Variants in DOCK1 observed in about 807,000 individuals in gnomAD.
DOCK1 encodes dedicator of cytokinesis 1.
Under a neutral mutation model 262.7 loss-of-function variants are expected in DOCK1, and 138 were observed. The observed-to-expected ratio is 0.53, with a 90% CI of 0.46 to 0.61. DOCK1 has a LOEUF of 0.61. DOCK1 is among the 20% of genes least tolerant of loss of function. DOCK1 has a pLI of 0.00. For missense variants in DOCK1, 1,908 were observed against 2,370.7 expected (o/e 0.80, Z 4.05); for synonymous variants, 866 against 867.4 (o/e 1.00, Z 0.03).
At chr10:127,198,986 A>AT (rs796827474) in intron 27 of DOCK1, among the ~76,000 whole-genome samples, 91 of 148,596 alleles carry the variant, frequency 6.1e-4, no homozygotes, top group African/African-American at 1.9e-3. Flanking sequence ...TCCCTCTTGC[A>AT]TTTTTTTTTA....
At chr10:127,164,828 T>A (rs926777857) in intron 27 of DOCK1, among the ~76,000 whole-genome samples, 1 of 152,224 alleles carries the variant, frequency 6.6e-6, no homozygotes, top group Non-Finnish European at 1.5e-5. Context: ...CTTCCTTCAT[T>A]CATGCAGTCA....
chr10:127,042,580 G>A (rs1440563622), intron 19 of DOCK1, 45 bp from the exon 20 acceptor site: 2 of 1,547,004 alleles, frequency 1.3e-6, no homozygotes, highest in Non-Finnish European at 1.8e-6. Context: ...TGTGGGGGAA[G>A]TCCGGTGGGT....
chr10:127,248,440 A>G (rs973545486), intron 28 of DOCK1, among the ~76,000 whole-genome samples: 5 of 152,202 alleles, frequency 3.3e-5, no homozygotes, highest in African/African-American at 1.2e-4. Flanking sequence ...GTCTCCCATT[A>G]ACTCCTATTC....
intron 27 of DOCK1, among the ~76,000 whole-genome samples, chr10:127,151,585 C>T (rs961597504): frequency 2.6e-5 from 4 of 152,156 alleles, no homozygotes; most frequent in Non-Finnish European, 5.9e-5. Flanking sequence ...TGCAGGCTAC[C>T]GAGGGCCACA....
rs376852487 is a variant in DOCK1, at chr10:127,032,123, G to T, written c.1729-14G>T. On this transcript the variant is annotated splice_polypyrimidine_tract_variant and intron_variant, in intron 17 of 51. Transcript: ENST00000623213. The stretch of plus-strand genomic sequence containing the variant: ...GTGAATTGCCTTTGACATACGGCAT[G>T]ACTAAATCCACAGGCCGAAGCAAAG... The T allele has an allele frequency of 1.3e-5, 20 of 1,577,858 alleles. No individual in the cohort carries two copies. Among genetic ancestry groups the T allele is most frequent in the Non-Finnish European group, 8.6e-7 (1 of 1,161,736 alleles).
At chr10:127,124,561 GCT>G (rs2049824988) in intron 25 of DOCK1, among the ~76,000 whole-genome samples, 1 of 152,158 alleles carries the variant, frequency 6.6e-6, no homozygotes, top group South Asian at 2.1e-4. Context: ...TCCTTCCTCT[GCT>G]CTTATTGAAA....
At chr10:127,449,058 A>AGGCT (rs1463080616) in intron 51 of DOCK1, among the ~76,000 whole-genome samples, 1 of 152,182 alleles carries the variant, frequency 6.6e-6, no homozygotes, top group African/African-American at 2.4e-5. Context: ...CCATTTAAAC[A>AGGCT]GGCTCCCTCT....
chr10:127,430,852 G>A (rs1313836768), intron 47 of DOCK1, among the ~76,000 whole-genome samples: 1 of 152,168 alleles, frequency 6.6e-6, no homozygotes, highest in Non-Finnish European at 1.5e-5. Context: ...GGCTCAAGGT[G>A]GGACGTTACA....
chr10:127,241,284 A>G (rs1375869335), intron 27 of DOCK1, among the ~76,000 whole-genome samples: 1 of 152,198 alleles, frequency 6.6e-6, no homozygotes, highest in African/African-American at 2.4e-5. Context: ...GCACCACTGC[A>G]CTCCAGCCTG....
intron 29 of DOCK1, among the ~76,000 whole-genome samples, chr10:127,267,838 G>C (rs1294064666): frequency 6.6e-6 from 1 of 152,152 alleles, no homozygotes; most frequent in Non-Finnish European, 1.5e-5. Context: ...TGTGCTACTG[G>C]GACTTGGAAG....
intron 29 of DOCK1, among the ~76,000 whole-genome samples, chr10:127,296,781 G>A (rs1345405695): frequency 2.0e-5 from 3 of 152,160 alleles, no homozygotes; most frequent in African/African-American, 7.2e-5. Flanking sequence ...AAAGCGGTAG[G>A]GGGTGCTCTT....
At chr10:127,441,781 C>A (rs570592134) in intron 49 of DOCK1, among the ~76,000 whole-genome samples, 2 of 151,904 alleles carry the variant, frequency 1.3e-5, no homozygotes, top group South Asian at 4.2e-4. Context: ...GTTTTCCCTC[C>A]TCACCCCTGT....
At chr10:127,105,187 A>T (rs1046052470) in intron 23 of DOCK1, among the ~76,000 whole-genome samples, 7 of 152,158 alleles carry the variant, frequency 4.6e-5, no homozygotes, top group Non-Finnish European at 1.0e-4. Flanking sequence ...TTCCACCATG[A>T]TTATGAGGCC....
At chr10:127,075,353 C>T (rs138942113) in intron 23 of DOCK1, among the ~76,000 whole-genome samples, 4,886 of 151,998 alleles carry the variant, frequency 0.032, 251 homozygotes, top group African/African-American at 0.11. Flanking sequence ...CTCACTGTAG[C>T]CTTGACCTCC....
intron 33 of DOCK1, 80 bp downstream of exon 33, chr10:127,362,292 A>G (rs1019150093): frequency 1.4e-4 from 201 of 1,448,612 alleles, no homozygotes; most frequent in Admixed American, 5.0e-5. Context: ...ACCTGTAGAC[A>G]GTTCTAGAGT....
intron 32 of DOCK1, 112 bp downstream of exon 32, chr10:127,354,839 C>T: frequency 7.9e-7 from 1 of 1,270,682 alleles, no homozygotes; most frequent in Non-Finnish European, 1.1e-6. Flanking sequence ...GGCTTCTGTT[C>T]CTTGGACAGC....
At chr10:127,219,813 C>T (rs1485765368) in intron 27 of DOCK1, among the ~76,000 whole-genome samples, 2 of 152,132 alleles carry the variant, frequency 1.3e-5, no homozygotes, top group African/African-American at 4.8e-5. Flanking sequence ...ATCCTACACT[C>T]TATCCCATCC....
At chr10:127,254,125 T>C (rs949664363) in intron 28 of DOCK1, among the ~76,000 whole-genome samples, 1 of 152,216 alleles carries the variant, frequency 6.6e-6, no homozygotes, top group Admixed American at 6.5e-5. Context: ...ATGCCATTTG[T>C]ATTCAGATTT....
chr10:127,038,432 C>A (rs1448583228), intron 19 of DOCK1, among the ~76,000 whole-genome samples: 7 of 152,146 alleles, frequency 4.6e-5, no homozygotes, highest in Non-Finnish European at 1.0e-4. Context: ...TTAAGCCTCT[C>A]TTTCCCCTGC....
Sources: gnomAD v4.1 joint callset for allele counts (sites outside exome capture counted in the v4.1 genomes callset) on GRCh38, gnomAD v4.1.1 for gene constraint, MANE v1.5 for transcripts, NCBI Gene and HGNC (gene_info 2026-07-23, HGNC 2026-07-21) for gene names.